Variants in MAGI2 observed in about 807,000 individuals in gnomAD.
MAGI2 encodes the protein membrane associated guanylate kinase, WW and PDZ domain containing 2.
Under a neutral mutation model 133.3 loss-of-function variants are expected in MAGI2, and 35 were observed. The observed-to-expected ratio is 0.26, with a 90% CI of 0.20 to 0.35. The LOEUF (loss-of-function observed/expected upper bound fraction) is 0.35, where lower values mean the gene tolerates loss of function less well. MAGI2 is among the 10% of genes least tolerant of loss of function. The probability of loss-of-function intolerance (pLI) is 1.00; values close to 1 mark genes in which losing one functional copy is unlikely to be tolerated. For synonymous variants in MAGI2, 729 were observed against 710.6 expected, an observed-to-expected ratio of 1.03 and a Z score of -0.41; for missense variants, 1,636 against 1,863.4, an observed-to-expected ratio of 0.88 and a Z score of 2.25.
At chr7:78,217,269 T>C (rs571247900) in intron 10 of MAGI2, among the ~76,000 whole-genome samples, 2 of 152,288 alleles carry the variant, frequency 1.3e-5, no homozygotes, top group South Asian at 2.1e-4. Context: ...TCTGTTACAA[T>C]TGGAATTCAG....
rs1584954990 is a variant in MAGI2, at chr7:79,112,395, C to T, written c.302-105189G>A. Among the ~76,000 whole-genome samples, 3 of 152,300 alleles carry T rather than the reference C, an allele frequency of 2.0e-5. No homozygotes were observed. In the East Asian group the frequency reaches 5.8e-4, roughly 29 times the overall value. On this transcript the variant is annotated intron_variant, in intron 1 of 21. Coordinates refer to ENST00000354212, the MANE Select transcript of MAGI2 (RefSeq NM_012301.4). ...GTTACACAGACTAAATTGGCTCCCT[C>T]TTTCTTTATATCAATAGTTTTAATT...
chr7:78,970,286 A>AC (rs900697839), intron 2 of MAGI2, among the ~76,000 whole-genome samples: 15 of 152,166 alleles, frequency 9.9e-5, no homozygotes, highest in African/African-American at 3.6e-4. Context: ...TTTTATCCTT[A>AC]CTACAACCCC....
chr7:79,143,054 G>C (rs1033753335), intron 1 of MAGI2, among the ~76,000 whole-genome samples: 1 of 152,140 alleles, frequency 6.6e-6, no homozygotes, highest in African/African-American at 2.4e-5. Flanking sequence ...AATGAACAAA[G>C]AGTGAAAATA....
intron 3 of MAGI2, among the ~76,000 whole-genome samples, chr7:78,546,021 A>C (rs1458394262): frequency 6.6e-6 from 1 of 152,202 alleles, no homozygotes; most frequent in Non-Finnish European, 1.5e-5. Context: ...CCCTATTCAA[A>C]TTATCTAAAA....
At chr7:78,492,473 T>C (rs1204502501) in intron 5 of MAGI2, among the ~76,000 whole-genome samples, 3 of 152,086 alleles carry the variant, frequency 2.0e-5, no homozygotes, top group Non-Finnish European at 4.4e-5. Context: ...CCTCCAAGAT[T>C]CCTTGCAAAG....
At chr7:78,663,502 G>A (rs1046884015) in intron 2 of MAGI2, among the ~76,000 whole-genome samples, 5 of 151,930 alleles carry the variant, frequency 3.3e-5, no homozygotes, top group African/African-American at 7.3e-5. Context: ...ACTGTGCCCC[G>A]CCATTTGTAC....
chr7:79,199,035 C>T (rs1213717509), intron 1 of MAGI2, among the ~76,000 whole-genome samples: 1 of 151,324 alleles, frequency 6.6e-6, no homozygotes, highest in East Asian at 1.9e-4. Flanking sequence ...TATCTCTAAA[C>T]TAAAAAAAAA....
intron 2 of MAGI2, among the ~76,000 whole-genome samples, chr7:78,741,378 CA>C (rs1822406675): frequency 8.7e-4 from 1 of 1,150 alleles, no homozygotes; most frequent in Non-Finnish European, 2.5e-3. Context: ...AAAGTTGAAA[CA>C]CACACACACA....
intron 2 of MAGI2, among the ~76,000 whole-genome samples, chr7:78,828,864 T>C (rs1343956270): frequency 6.6e-6 from 1 of 152,150 alleles, no homozygotes; most frequent in Non-Finnish European, 1.5e-5. Flanking sequence ...TCTAAAGTAA[T>C]TTCTAGTAAC....
At chr7:78,095,550 T>C (rs1817618587) in intron 20 of MAGI2, among the ~76,000 whole-genome samples, 1 of 152,174 alleles carries the variant, frequency 6.6e-6, no homozygotes, top group African/African-American at 2.4e-5. Flanking sequence ...ATTCAATGGC[T>C]CAGCTACTTT....
rs1332985623 is a variant in MAGI2, at chr7:79,417,497, G to A, written c.301+35523C>T. ...GAAGCTGTGAAGACCAAAGTTCCTT[G>A]GGAAACTGCCTTCACAAGGAAATCT... On this transcript the variant is annotated intron_variant, in intron 1 of 21. Transcript: ENST00000354212. Among the ~76,000 whole-genome samples the A allele has an allele frequency of 2.0e-5, 3 of 152,082 alleles. No homozygotes were observed. The East Asian group carries it at 5.8e-4, about 29-fold the overall frequency.
chr7:78,645,609 T>TC (rs1394366322), intron 2 of MAGI2, among the ~76,000 whole-genome samples: 4 of 150,906 alleles, frequency 2.7e-5, no homozygotes, highest in African/African-American at 4.9e-5. Context: ...TACTAAAAAC[T>TC]CTTAGTTAAC....
In MAGI2 at chr7:79,233,956, C is replaced by T. The variant is rs1440638164; in HGVS notation, c.301+219064G>A. ...ACTGGTTGTTCCTTTCCATGTTTAG[C>T]GCTTCCTTCAGGAGCTCTTTTAGGG... On this transcript the variant is annotated intron_variant, in intron 1 of 21. Coordinates refer to ENST00000354212, the MANE Select transcript of MAGI2 (RefSeq NM_012301.4). Among the ~76,000 whole-genome samples the T allele has an allele frequency of 5.1e-3, 763 of 148,196 alleles. 3 individuals are homozygous for T. Among genetic ancestry groups the T allele is most frequent in the African/African-American group, 0.018 (708 of 40,356 alleles).
At chr7:79,384,130 T>C (rs535951991) in intron 1 of MAGI2, among the ~76,000 whole-genome samples, 5 of 151,142 alleles carry the variant, frequency 3.3e-5, no homozygotes, top group Non-Finnish European at 7.4e-5. Context: ...ACAGATACAT[T>C]AAAAGAAAAT....
intron 2 of MAGI2, among the ~76,000 whole-genome samples, chr7:78,746,279 A>T (rs972059337): frequency 1.8e-4 from 28 of 152,236 alleles, no homozygotes; most frequent in Non-Finnish European, 3.1e-4. Flanking sequence ...AGCTCAAAAG[A>T]TTAGCATACA....
At chr7:78,475,769 T>C (rs190974462) in intron 6 of MAGI2, among the ~76,000 whole-genome samples, 10 of 151,708 alleles carry the variant, frequency 6.6e-5, no homozygotes, top group Non-Finnish European at 1.5e-4. Flanking sequence ...AACAATAACA[T>C]AGGGACAAGG....
intron 2 of MAGI2, among the ~76,000 whole-genome samples, chr7:78,990,854 G>T (rs571984793): frequency 6.6e-6 from 1 of 150,428 alleles, no homozygotes; most frequent in Admixed American, 6.6e-5. Context: ...ACCTGCACAG[G>T]TGTTATGTAT....
chr7:78,785,433 T>C (rs955909964), intron 2 of MAGI2, among the ~76,000 whole-genome samples: 6 of 152,238 alleles, frequency 3.9e-5, no homozygotes, highest in Non-Finnish European at 8.8e-5. Flanking sequence ...AAGTATTGAA[T>C]TGAAAAGCTG....
chr7:78,916,886 C>T (rs1402119019), intron 2 of MAGI2, among the ~76,000 whole-genome samples: 1 of 152,180 alleles, frequency 6.6e-6, no homozygotes, highest in East Asian at 1.9e-4. Context: ...CTTTCCATTT[C>T]AAAAAGCTCA....
Sources: gnomAD v4.1 joint callset for allele counts (sites outside exome capture counted in the v4.1 genomes callset) on GRCh38, gnomAD v4.1.1 for gene constraint, MANE v1.5 for transcripts, NCBI Gene and HGNC (gene_info 2026-07-23, HGNC 2026-07-21) for gene names.